HMGXB4: variants seen among roughly 807,000 people sequenced by gnomAD.
The protein encoded by HMGXB4 is HMG domain-containing protein 4.
HMGXB4 carries 27 observed loss-of-function variants against 63.9 expected under a neutral mutation model. The observed-to-expected ratio is 0.42, with a 90% CI of 0.31 to 0.58. The LOEUF (loss-of-function observed/expected upper bound fraction) is 0.58, where lower values mean the gene tolerates loss of function less well. Among genes scored for constraint, HMGXB4 ranks in the 20% least tolerant of loss-of-function variants. The probability of loss-of-function intolerance (pLI) is 0.13; values close to 1 mark genes in which losing one functional copy is unlikely to be tolerated. For missense variants in HMGXB4, 624 were observed against 700.7 expected, an observed-to-expected ratio of 0.89 and a Z score of 1.24; for synonymous variants, 264 against 265.3, an observed-to-expected ratio of 0.99 and a Z score of 0.05.
chr22:35,244,013 G>C, the HMGXB4 span, among the ~76,000 whole-genome samples: 1 of 152,086 alleles, frequency 6.6e-6, no homozygotes, highest in Non-Finnish European at 1.5e-5. Flanking sequence ...CAAAAGTTTA[G>C]TTATGATGTG....
At chr22:35,268,417 G>A (rs1923402784) in intron 5 of HMGXB4, among the ~76,000 whole-genome samples, 1 of 151,956 alleles carries the variant, frequency 6.6e-6, no homozygotes, top group Admixed American at 6.6e-5. Context: ...ACTGTCTTAG[G>A]CCTCATTCCC....
At chr22:35,275,177 T>C (rs188045755) in intron 5 of HMGXB4, among the ~76,000 whole-genome samples, 1 of 143,830 alleles carries the variant, frequency 7.0e-6, no homozygotes, top group Non-Finnish European at 1.5e-5. Context: ...TGTAGTACAA[T>C]GGTGCGATCT....
At chr22:35,278,257 G>T (rs1924026871) in intron 5 of HMGXB4, among the ~76,000 whole-genome samples, 1 of 151,918 alleles carries the variant, frequency 6.6e-6, no homozygotes, top group Non-Finnish European at 1.5e-5. Context: ...TTCACTGATT[G>T]TAAGACGTCT....
intron 5 of HMGXB4, among the ~76,000 whole-genome samples, chr22:35,266,055 C>G (rs1232836461): frequency 6.6e-6 from 1 of 151,756 alleles, no homozygotes; most frequent in African/African-American, 2.4e-5. Flanking sequence ...TCCCAAAGTG[C>G]TAGGATTACA....
chr22:35,245,220 C>G, the HMGXB4 span, among the ~76,000 whole-genome samples: 1 of 152,022 alleles, frequency 6.6e-6, no homozygotes, highest in African/African-American at 2.4e-5. Flanking sequence ...CTTGTCCCTC[C>G]GCCTCCTCTG....
chr22:35,273,658 C>T (rs972354771), intron 5 of HMGXB4, among the ~76,000 whole-genome samples: 3 of 152,172 alleles, frequency 2.0e-5, no homozygotes, highest in Admixed American at 2.0e-4. Context: ...ATGTTTTATG[C>T]ATATAATACC....
chr22:35,282,016 G>C (rs1466928110), intron 5 of HMGXB4, among the ~76,000 whole-genome samples: 1 of 152,050 alleles, frequency 6.6e-6, no homozygotes, highest in Non-Finnish European at 1.5e-5. Context: ...GAAGAACTAA[G>C]GCAGCTAGGC....
At chr22:35,248,530 G>A in the HMGXB4 span, among the ~76,000 whole-genome samples, 11 of 149,592 alleles carry the variant, frequency 7.4e-5, no homozygotes, top group East Asian at 2.0e-3. Context: ...CCACCTTCCC[G>A]AGTAGCTGGG....
the HMGXB4 span, among the ~76,000 whole-genome samples, chr22:35,247,611 A>C: frequency 1.3e-5 from 2 of 150,508 alleles, no homozygotes; most frequent in African/African-American, 4.9e-5. Flanking sequence ...GAGATCAATA[A>C]ACTGTTCTGG....
the HMGXB4 span, among the ~76,000 whole-genome samples, chr22:35,252,100 A>G: frequency 2.6e-5 from 4 of 152,176 alleles, no homozygotes; most frequent in Admixed American, 6.5e-5. Context: ...CTGTAATCCC[A>G]GCTACTTGGG....
rs1319130722 is a variant in HMGXB4, at chr22:35,295,107, A to G, written c.*1456A>G. ...ATTTGGTATGAGATTCTCTGCCAAC[A>G]CCAAGCTCTGAGTTAACTGTGCTTT... On this transcript the variant is annotated 3_prime_UTR_variant, in exon 11 of 11. Transcript: ENST00000216106. The G allele has an allele frequency of 7.6e-6, 1 of 131,810 alleles. No individual in the cohort carries two copies. The highest frequency in any genetic ancestry group is 2.5e-5 in the African/African-American group (1 of 40,358). The allele number at this position is 131,810 out of a possible 1,614,324, so 8.2% of individuals were successfully genotyped here. A position where few individuals can be genotyped will look rare whatever the true frequency, so the allele number is the denominator to read the frequency against.
the HMGXB4 span, among the ~76,000 whole-genome samples, chr22:35,244,363 G>A: frequency 2.0e-5 from 3 of 149,548 alleles, no homozygotes; most frequent in East Asian, 3.9e-4. Flanking sequence ...GCGTGATCTC[G>A]GCTCACTGCA....
rs1923022376 is a variant in HMGXB4, at chr22:35,263,823, GAC to G, written c.216_217del (p.His72GlnfsTer9). 1 of 1,613,258 alleles carries G rather than the reference GAC, an allele frequency of 6.2e-7. No homozygotes were observed. Among genetic ancestry groups the G allele is most frequent in the African/African-American group, 1.3e-5 (1 of 74,864 alleles). ...TAGTGAACTTTACTTCTTGGGGACGGACACACACAAGAAGAAGAGGAAGCACT... is the reference window on the plus strand; with the variant it reads ...TAGTGAACTTTACTTCTTGGGGACGGACACACAAGAAGAAGAGGAAGCACT... ...KDSELYFLGT[D>X]THKKKRKHSS... is the part of the protein sequence containing the mutation. On this transcript the variant is annotated frameshift_variant, in exon 4 of 11. Transcript: ENST00000216106. LOFTEE classifies it high-confidence loss of function.
intron 9 of HMGXB4, among the ~76,000 whole-genome samples, chr22:35,292,051 T>C (rs748338055): frequency 7.2e-5 from 11 of 152,276 alleles, no homozygotes; most frequent in Admixed American, 5.2e-4. Flanking sequence ...AAGGTTATTC[T>C]TCCTTACAGG....
upstream of HMGXB4, among the ~76,000 whole-genome samples, chr22:35,253,132 CAAAA>C (rs554912249): frequency 2.1e-5 from 2 of 96,566 alleles, no homozygotes; most frequent in East Asian, 3.0e-4. Context: ...AACTCCATCT[CAAAA>C]AAAAAAAAAA....
chr22:35,293,193 A>G lies in HMGXB4; in HGVS notation c.1761+79A>G, dbSNP rs1018594093. The G allele has an allele frequency of 6.6e-6, 10 of 1,519,618 alleles. No individual in the cohort carries two copies. In the Admixed American group the frequency reaches 1.0e-4, roughly 15 times the overall value. The allele number at this position is 1,519,618 out of a possible 1,614,324, so 94.1% of individuals were successfully genotyped here. ...TGCCTTAATGAGCACTGTCAGACACACATAAGGCTTTGTGACACACAGTGC... is the reference window on the plus strand; with the variant it reads ...TGCCTTAATGAGCACTGTCAGACACGCATAAGGCTTTGTGACACACAGTGC... On this transcript the variant is annotated intron_variant, in intron 10 of 10. Transcript: ENST00000216106.
chr22:35,260,043 G>A (rs2146395217), intron 1 of HMGXB4, among the ~76,000 whole-genome samples: 1 of 152,236 alleles, frequency 6.6e-6, no homozygotes, highest in East Asian at 1.9e-4. Flanking sequence ...GTCTTCAGAG[G>A]TACTTATTTC....
In HMGXB4 at chr22:35,295,404, A is replaced by AT. The variant is rs2145581494; in HGVS notation, c.*1754dup. The AT allele has an allele frequency of 6.5e-6, 1 of 152,770 alleles. No individual in the cohort carries two copies. The highest frequency in any genetic ancestry group is 1.9e-4 in the East Asian group (1 of 5,190). 9.5% of individuals were successfully genotyped at this position (152,770 alleles called of 1,614,324 possible). ...ATTTCATGTGTTAGAACATTGTACC[A>AT]TGCCTCTTCTGTATCTGTGGAAGTT... is the stretch of plus-strand genomic sequence containing the variant. On this transcript the variant is annotated 3_prime_UTR_variant, in exon 11 of 11. Coordinates refer to ENST00000216106, the MANE Select transcript of HMGXB4 (RefSeq NM_001003681.3).
chr22:35,288,100 G>A lies in HMGXB4; in HGVS notation c.1469-138G>A. The A allele has an allele frequency of 5.4e-6, 3 of 557,678 alleles. No homozygotes were observed. The South Asian group carries it at 1.5e-4, about 27-fold the overall frequency. 34.5% of individuals were successfully genotyped at this position (557,678 alleles called of 1,614,324 possible). A position where few individuals can be genotyped will look rare whatever the true frequency, so the allele number is the denominator to read the frequency against. ...AGGCCATAAAAAACAAGAGACCATA[G>A]ACTGAATTTAGCCCACAGGCCACAG... On this transcript the variant is annotated intron_variant, in intron 8 of 10. Coordinates refer to ENST00000216106, the MANE Select transcript of HMGXB4 (RefSeq NM_001003681.3).
Sources: gnomAD v4.1 joint callset for allele counts (sites outside exome capture counted in the v4.1 genomes callset) on GRCh38, gnomAD v4.1.1 for gene constraint, MANE v1.5 for transcripts, NCBI Gene and HGNC (gene_info 2026-07-23, HGNC 2026-07-21) for gene names.